SORCS2: variants seen among roughly 807,000 people sequenced by gnomAD.
SORCS2 encodes sortilin related VPS10 domain containing receptor 2.
In SORCS2, 100 loss-of-function variants were observed where a neutral mutation model predicts 141.6. The ratio of observed to expected loss-of-function variants is 0.71; its 90% confidence interval spans 0.60 to 0.83. The LOEUF is 0.83. Among genes scored for constraint, SORCS2 ranks in the 40% least tolerant of loss-of-function variants. The pLI is 0.00. For synonymous variants in SORCS2, 789 were observed against 676.9 expected (o/e 1.17, Z -2.57); for missense variants, 1,646 against 1,560.2 (o/e 1.05, Z -0.93).
chr4:7,277,515 C>G (rs1715581444), intron 1 of SORCS2, among the ~76,000 whole-genome samples: 3 of 152,228 alleles, frequency 2.0e-5, no homozygotes, highest in African/African-American at 4.8e-5. Flanking sequence ...TCAGCAAGGT[C>G]CTTTGGGCTT....
At chr4:7,217,551 C>T (rs1728436147) in intron 1 of SORCS2, among the ~76,000 whole-genome samples, 1 of 152,174 alleles carries the variant, frequency 6.6e-6, no homozygotes, top group African/African-American at 2.4e-5. Flanking sequence ...TTTGGCAAAA[C>T]TTCCACCACT....
At chr4:7,657,489 GAATGAATGAGTA>G (rs375531349) in intron 5 of SORCS2, among the ~76,000 whole-genome samples, 3,184 of 93,254 alleles carry the variant, frequency 0.034, 51 homozygotes, top group Non-Finnish European at 0.074. Flanking sequence ...GTGAGTCAAT[GAATGAATGAGTA>G]AATGAATGAG....
Position 7,328,018 on chromosome 4 carries a change from C to CTTT in SORCS2, c.481-68247_481-68245dup, listed in dbSNP as rs60976971. 8.1e-3 allele frequency among the ~76,000 whole-genome samples: 722 copies of CTTT among 88,670 alleles called. 17 individuals carry two copies. The highest frequency in any genetic ancestry group is 0.011 in the Non-Finnish European group (477 of 44,416). The allele number at this position is 88,670 out of a possible 152,430, so 58.2% of individuals were successfully genotyped here. A position where few individuals can be genotyped will look rare whatever the true frequency, so the allele number is the denominator to read the frequency against. ...ACTGTGTGCTGAGCCTCGTGCTAGG[C>CTTT]TTTTTTTTTTTTTTTTTTTTTTTTT... On this transcript the variant is annotated intron_variant, in intron 1 of 26. Transcript: ENST00000507866.
At position 7,610,330 on chromosome 4, in the gene SORCS2, C is replaced by T. The variant is rs142325311; in HGVS notation, c.649-27998C>T. Reference sequence around the variant, plus strand: ...GTTAAATGAGGACACTCATGAGGGACGAGGATGTGGGCTGAGCTCCAGAGG... The same window carrying T: ...GTTAAATGAGGACACTCATGAGGGATGAGGATGTGGGCTGAGCTCCAGAGG... On this transcript the variant is annotated intron_variant, in intron 3 of 26. Transcript: ENST00000507866. Among the ~76,000 whole-genome samples, 46 of 152,224 alleles carry T rather than the reference C, an allele frequency of 3.0e-4. No homozygotes were observed. In the East Asian group the frequency reaches 5.0e-3, roughly 17 times the overall value.
chr4:7,387,601 ACG>A (rs1178922613), intron 1 of SORCS2, among the ~76,000 whole-genome samples: 1 of 146,800 alleles, frequency 6.8e-6, no homozygotes, highest in African/African-American at 2.6e-5. Context: ...ACACAGAGAA[ACG>A]CACATGCACA....
At chr4:7,637,008 C>T (rs771231378) in intron 3 of SORCS2, among the ~76,000 whole-genome samples, 2 of 152,148 alleles carry the variant, frequency 1.3e-5, no homozygotes, top group African/African-American at 2.4e-5. Flanking sequence ...GTCTCTGCCT[C>T]TGCCTGTGTG....
intron 23 of SORCS2, among the ~76,000 whole-genome samples, chr4:7,730,512 A>G (rs1711579764): frequency 6.6e-6 from 1 of 152,256 alleles, no homozygotes; most frequent in South Asian, 2.1e-4. Flanking sequence ...TGCTGAAGAA[A>G]CAAATTGTGG....
intron 1 of SORCS2, among the ~76,000 whole-genome samples, chr4:7,285,895 G>A (rs1716188965): frequency 6.6e-6 from 1 of 152,212 alleles, no homozygotes; most frequent in African/African-American, 2.4e-5. Context: ...GTTCGGTGCA[G>A]CCCTGATTTA....
chr4:7,314,521 A>G (rs903735870), intron 1 of SORCS2, among the ~76,000 whole-genome samples: 1 of 151,788 alleles, frequency 6.6e-6, no homozygotes, highest in Non-Finnish European at 1.5e-5. Flanking sequence ...TTGTATTTTT[A>G]GTGGAGATGG....
chr4:7,417,838 A>G (rs1435241933), intron 2 of SORCS2, among the ~76,000 whole-genome samples: 1 of 152,228 alleles, frequency 6.6e-6, no homozygotes, highest in Admixed American at 6.5e-5. Context: ...CCAGTTGGGA[A>G]CGGGTCGCTG....
rs185051851 is a variant in SORCS2, at chr4:7,703,235, G to A, written c.1669-45G>A. 1.5e-3 allele frequency: 2,278 copies of A among 1,521,080 alleles called. 3 individuals carry two copies. Among genetic ancestry groups the A allele is most frequent in the Non-Finnish European group, 1.7e-3 (1,958 of 1,119,062 alleles). 94.2% of individuals were successfully genotyped at this position (1,521,080 alleles called of 1,614,324 possible). On this transcript the variant is annotated intron_variant, in intron 12 of 26. Coordinates refer to ENST00000507866, the MANE Select transcript of SORCS2 (RefSeq NM_020777.3). Reference sequence around the variant, plus strand: ...AGCCGCTCAGCCTGGAACAACCTCCGACCTTCTCAGGCCCTGCCCTCAGCC... The same window carrying A: ...AGCCGCTCAGCCTGGAACAACCTCCAACCTTCTCAGGCCCTGCCCTCAGCC...
At chr4:7,194,586 C>A (rs562914351) in intron 1 of SORCS2, among the ~76,000 whole-genome samples, 1 of 152,084 alleles carries the variant, frequency 6.6e-6, no homozygotes. Flanking sequence ...AGAGCTGGCT[C>A]CCTGGGTGCA....
At chr4:7,358,547 G>C (rs896831131) in intron 1 of SORCS2, among the ~76,000 whole-genome samples, 1 of 152,216 alleles carries the variant, frequency 6.6e-6, no homozygotes, top group South Asian at 2.1e-4. Flanking sequence ...CCCAGATGGT[G>C]ACTCACAGTC....
chr4:7,664,615 T>C lies in SORCS2; in HGVS notation c.1071+144T>C, dbSNP rs1161825150. On this transcript the variant is annotated intron_variant, in intron 7 of 26. Transcript: ENST00000507866. The surrounding 1 kb of genome is among the most constrained non-coding windows in gnomAD (Gnocchi z 4.7). ...ATGCTACTTCGCAGGTCACGGTTTCTGACCGTGGCTGTGGCTGCAGCCATC... is the reference window on the plus strand; with the variant it reads ...ATGCTACTTCGCAGGTCACGGTTTCCGACCGTGGCTGTGGCTGCAGCCATC... 6.3e-6 allele frequency: 4 copies of C among 633,034 alleles called. No homozygotes were observed. The highest frequency in any genetic ancestry group is 1.1e-5 in the Non-Finnish European group (4 of 365,794). The allele number at this position is 633,034 out of a possible 1,614,324, so 39.2% of individuals were successfully genotyped here.
chr4:7,202,096 C>T (rs1414166167), intron 1 of SORCS2, among the ~76,000 whole-genome samples: 1 of 152,160 alleles, frequency 6.6e-6, no homozygotes, highest in Non-Finnish European at 1.5e-5. Flanking sequence ...TACCTCTCTC[C>T]CCGCTCCCAG....
intron 2 of SORCS2, among the ~76,000 whole-genome samples, chr4:7,423,468 G>A (rs1726223831): frequency 6.6e-6 from 1 of 152,110 alleles, no homozygotes; most frequent in African/African-American, 2.4e-5. Context: ...CCAGGCTGGA[G>A]TGCAGTGATG....
intron 1 of SORCS2, among the ~76,000 whole-genome samples, chr4:7,207,965 C>T (rs1177608928): frequency 6.6e-6 from 1 of 152,146 alleles, no homozygotes; most frequent in East Asian, 1.9e-4. Flanking sequence ...AATCCAAAAC[C>T]CGGGAACTTC....
chr4:7,242,179 G>C (rs530618075), intron 1 of SORCS2, among the ~76,000 whole-genome samples: 1 of 152,054 alleles, frequency 6.6e-6, no homozygotes, highest in Non-Finnish European at 1.5e-5. Flanking sequence ...GTGTTCCCTC[G>C]GAGCCTTTCA....
intron 1 of SORCS2, among the ~76,000 whole-genome samples, chr4:7,287,976 C>T (rs571602086): frequency 6.6e-6 from 1 of 152,220 alleles, no homozygotes; most frequent in Non-Finnish European, 1.5e-5. Context: ...TTCACCCAGC[C>T]CCTGTGGGAT....
Sources: allele counts gnomAD v4.1 joint callset (sites outside exome capture counted in the v4.1 genomes callset), GRCh38; gene constraint gnomAD v4.1.1; non-coding constraint Gnocchi (gnomAD v3.1); transcripts MANE v1.5; gene names NCBI Gene and HGNC (gene_info 2026-07-23, HGNC 2026-07-21).